Variants in ZNF484 observed in about 807,000 individuals in gnomAD.
ZNF484 encodes the protein zinc finger protein 484, also known as KRAB box containing C2H2 type zinc finger bA526D8.4.
ZNF484 carries 11 observed loss-of-function variants against 12.9 expected under a neutral mutation model. The observed-to-expected ratio is 0.85, with a 90% confidence interval of 0.54 to 1.41. The LOEUF (loss-of-function observed/expected upper bound fraction) is 1.41. ZNF484 is among the 40% of genes most tolerant of loss of function. The pLI is 0.00. For missense variants in ZNF484, 807 were observed against 1,007.7 expected (o/e 0.80, Z 2.70); for synonymous variants, 289 against 334.1 (o/e 0.86, Z 1.47).
chr9:92,853,943 G>A (rs1055231596), intron 4 of ZNF484, among the ~76,000 whole-genome samples: 1 of 151,426 alleles, frequency 6.6e-6, no homozygotes, highest in Admixed American at 6.6e-5. Flanking sequence ...ACAGCTCCAA[G>A]CAGGTCCAGA....
chr9:92,877,265 A>C (rs1857874092), intron 1 of ZNF484, among the ~76,000 whole-genome samples: 1 of 152,094 alleles, frequency 6.6e-6, no homozygotes, highest in Non-Finnish European at 1.5e-5. Context: ...AAAGAAAAAG[A>C]GAAAAAAATT....
chr9:92,847,855 T>C lies in ZNF484; in HGVS notation c.932A>G (p.Asp311Gly). The C allele has an allele frequency of 1.2e-6, 2 of 1,614,166 alleles. No homozygotes were observed. The highest frequency in any genetic ancestry group is 4.5e-5 in the East Asian group (2 of 44,878). Residue 311 changes from aspartate (D) to glycine (G), a missense_variant, in exon 5 of 5, where the codon GAT (aspartate) becomes GGT (glycine). Physicochemically the swap from Asp to Gly is moderately conservative, Grantham distance 94. Coordinates refer to ENST00000375495, the MANE Select transcript of ZNF484 (RefSeq NM_031486.4). ...CTGACGGTTTGACTTGAGGGAAAAATCCTTCTCATATTCAGTGCATATTCC... is the reference window on the plus strand; with the variant it reads ...CTGACGGTTTGACTTGAGGGAAAAACCCTTCTCATATTCAGTGCATATTCC... ...YAGICTEYEK[D>G]FSLKSNRQKT...
rs1246501156 is a variant in ZNF484 at position 92,846,068 on chromosome 9, A to G, written c.*160T>C. The G allele has an allele frequency of 5.7e-6, 4 of 699,980 alleles. No homozygotes were observed. Among genetic ancestry groups the G allele is most frequent in the African/African-American group, 3.6e-5 (2 of 55,812 alleles). The allele number at this position is 699,980 out of a possible 1,614,324, so 43.4% of individuals were successfully genotyped here. A position where few individuals can be genotyped will look rare whatever the true frequency, so the allele number is the denominator to read the frequency against. ...AAAAGTGAAACAAGAAAGACTGCCAATCATCTCCTTGCACATTTACTATTA... is the reference window on the plus strand; with the variant it reads ...AAAAGTGAAACAAGAAAGACTGCCAGTCATCTCCTTGCACATTTACTATTA... On this transcript the variant is annotated 3_prime_UTR_variant, in exon 5 of 5. Coordinates refer to ENST00000375495, the MANE Select transcript of ZNF484 (RefSeq NM_031486.4).
intron 4 of ZNF484, among the ~76,000 whole-genome samples, chr9:92,849,884 C>T (rs1192741436): frequency 6.6e-6 from 1 of 152,128 alleles, no homozygotes; most frequent in Non-Finnish European, 1.5e-5. Context: ...TCACTGCAAC[C>T]TCCACCTCCT....
At chr9:92,858,562 G>A (rs1055142751) in intron 2 of ZNF484, among the ~76,000 whole-genome samples, 6 of 152,174 alleles carry the variant, frequency 3.9e-5, no homozygotes, top group Non-Finnish European at 8.8e-5. Flanking sequence ...AACAGTAACA[G>A]TACTATTCTG....
chr9:92,874,616 A>G (rs539958915), intron 2 of ZNF484, among the ~76,000 whole-genome samples: 101 of 152,134 alleles, frequency 6.6e-4, no homozygotes, highest in African/African-American at 2.3e-3. Flanking sequence ...CTGGCCTGTT[A>G]GTGCACTTTC....
chr9:92,851,952 A>G (rs971970885), intron 4 of ZNF484, among the ~76,000 whole-genome samples: 5 of 152,244 alleles, frequency 3.3e-5, no homozygotes, highest in African/African-American at 1.2e-4. Flanking sequence ...CAAAAGTGTA[A>G]TGCACAAAGA....
chr9:92,869,640 G>C (rs1857314165), intron 2 of ZNF484, among the ~76,000 whole-genome samples: 1 of 152,222 alleles, frequency 6.6e-6, no homozygotes, highest in African/African-American at 2.4e-5. Context: ...TCAAGGGCCT[G>C]AGTGTCTGAA....
intron 4 of ZNF484, among the ~76,000 whole-genome samples, chr9:92,855,458 G>GC (rs1304285126): frequency 3.3e-5 from 5 of 152,164 alleles, no homozygotes; most frequent in African/African-American, 1.2e-4. Flanking sequence ...ATAAGGAAAT[G>GC]ATCTAAGACC....
chr9:92,877,855 G>A, intron 1 of ZNF484, 35 bp downstream of exon 1: 3 of 1,535,768 alleles, frequency 2.0e-6, no homozygotes, highest in Non-Finnish European at 2.6e-6. Flanking sequence ...GATTCTTCTT[G>A]CTCAGTCCAC....
chr9:92,852,073 G>A (rs937082960), intron 4 of ZNF484, among the ~76,000 whole-genome samples: 2 of 152,098 alleles, frequency 1.3e-5, no homozygotes, highest in Admixed American at 6.5e-5. Context: ...AGAGCAAAAC[G>A]ACCTCCTCTG....
In ZNF484 at chr9:92,848,023, T is replaced by A. The variant is rs1332875688; in HGVS notation, c.764A>T (p.Asp255Val). The A allele has an allele frequency of 3.7e-6, 6 of 1,614,218 alleles. No individual in the cohort carries two copies. The South Asian group carries it at 6.6e-5, about 18-fold the overall frequency. ...HTRESLYLFS[D>V]YVNVFSPKSH... ...CTTCGGGGAGAAAACATTTACGTAG[T>A]CAGAAAACAAATAGAGGCTCTCTCT... Residue 255 changes from aspartate (D) to valine (V), a missense_variant, in exon 5 of 5, where the codon GAC becomes GTC. Transcript: ENST00000375495. The surrounding 1 kb of genome is among the most constrained non-coding windows in gnomAD (Gnocchi z 4.1).
intron 2 of ZNF484, among the ~76,000 whole-genome samples, chr9:92,870,441 G>C (rs559196928): frequency 2.6e-5 from 4 of 152,314 alleles, no homozygotes; most frequent in African/African-American, 9.6e-5. Context: ...CATCAGCAAA[G>C]ACTCAGTGGG....
At chr9:92,872,562 A>G (rs1244225155) in intron 2 of ZNF484, among the ~76,000 whole-genome samples, 1 of 151,942 alleles carries the variant, frequency 6.6e-6, no homozygotes, top group Non-Finnish European at 1.5e-5. Flanking sequence ...AGACTACAAA[A>G]GAGTGGTCAG....
At chr9:92,861,212 A>T (rs1417136499) in intron 2 of ZNF484, among the ~76,000 whole-genome samples, 1 of 152,248 alleles carries the variant, frequency 6.6e-6, no homozygotes, top group Non-Finnish European at 1.5e-5. Context: ...GAGAAAACAG[A>T]ATCTCATAAC....
intron 2 of ZNF484, among the ~76,000 whole-genome samples, chr9:92,857,871 T>A (rs1856556733): frequency 6.6e-6 from 1 of 152,124 alleles, no homozygotes; most frequent in African/African-American, 2.4e-5. Context: ...AATCCTCCTG[T>A]CTCAGCCCCA....
At position 92,875,003 on chromosome 9, in the gene ZNF484, A is replaced by C. The variant is rs764176594; in HGVS notation, c.15+12T>G. 6.2e-7 allele frequency: 1 copy of C among 1,613,790 alleles called. No homozygotes were observed. Among genetic ancestry groups the C allele is most frequent in the Non-Finnish European group, 8.5e-7 (1 of 1,179,886 alleles). ...AAGCAACAAATAAACAGATGAACAA[A>C]TAAGAACTCACCAGGGACTTGGTCA... On this transcript the variant is annotated intron_variant, in intron 2 of 4. Coordinates refer to ENST00000375495, the MANE Select transcript of ZNF484 (RefSeq NM_031486.4).
At chr9:92,849,854 T>G (rs904636994) in intron 4 of ZNF484, among the ~76,000 whole-genome samples, 3 of 151,550 alleles carry the variant, frequency 2.0e-5, no homozygotes, top group Admixed American at 6.6e-5. Context: ...CAGGCTAGAG[T>G]GTAATGGCAT....
intron 2 of ZNF484, among the ~76,000 whole-genome samples, chr9:92,863,886 C>T (rs1856920023): frequency 6.6e-6 from 1 of 152,130 alleles, no homozygotes. Flanking sequence ...GTAAATGAGA[C>T]TGCTTGAGAG....
Sources: allele counts gnomAD v4.1 joint callset (sites outside exome capture counted in the v4.1 genomes callset), GRCh38; gene constraint gnomAD v4.1.1; non-coding constraint Gnocchi (gnomAD v3.1); transcripts MANE v1.5; gene names NCBI Gene and HGNC (gene_info 2026-07-23, HGNC 2026-07-21).